PECAM1: variants seen among roughly 807,000 people sequenced by gnomAD.
The protein encoded by PECAM1 is platelet and endothelial cell adhesion molecule 1.
PECAM1 carries 8 observed loss-of-function variants against 13.8 expected under a neutral mutation model. The ratio of observed to expected loss-of-function variants is 0.58; its 90% confidence interval spans 0.34 to 1.05. The LOEUF is 1.05. PECAM1 is among the 50% of genes least tolerant of loss of function. The pLI, the probability that PECAM1 is intolerant of heterozygous loss-of-function variation, is 0.03. For synonymous variants in PECAM1, 136 were observed against 52.6 expected (o/e 2.58, Z -6.86); for missense variants, 304 against 141.2 (o/e 2.15, Z -5.84).
intron 2 of PECAM1, among the ~76,000 whole-genome samples, chr17:64,382,655 C>T (rs2036505969): frequency 1.3e-5 from 2 of 151,676 alleles, no homozygotes; most frequent in Non-Finnish European, 2.9e-5. Context: ...GCTGGGATTA[C>T]AGGCATGAGC....
At chr17:64,383,166 GT>G (rs2036520661) in intron 2 of PECAM1, among the ~76,000 whole-genome samples, 1 of 152,180 alleles carries the variant, frequency 6.6e-6, no homozygotes, top group Non-Finnish European at 1.5e-5. Flanking sequence ...CTGCTCTCCT[GT>G]TTACTGAACG....
chr17:64,345,928 G>C (rs2035555011), intron 13 of PECAM1, among the ~76,000 whole-genome samples: 2 of 152,068 alleles, frequency 1.3e-5, no homozygotes, highest in African/African-American at 4.8e-5. Flanking sequence ...AAAGTTCTGT[G>C]CATACAGCTG....
At chr17:64,358,251 T>TG (rs2035892092) in intron 7 of PECAM1, among the ~76,000 whole-genome samples, 1 of 151,430 alleles carries the variant, frequency 6.6e-6, no homozygotes, top group Non-Finnish European at 1.5e-5. Context: ...CCTGAGTAGC[T>TG]GGGGCTACAG....
intron 11 of PECAM1, among the ~76,000 whole-genome samples, chr17:64,351,382 A>G (rs1218078804): frequency 6.6e-6 from 1 of 152,210 alleles, no homozygotes; most frequent in Admixed American, 6.5e-5. Flanking sequence ...TGAGACATTT[A>G]TAGAATTAGA....
chr17:64,342,163 A>G (rs2035450426), intron 13 of PECAM1, among the ~76,000 whole-genome samples: 1 of 148,860 alleles, frequency 6.7e-6, no homozygotes, highest in African/African-American at 2.5e-5. Flanking sequence ...AAAAAAAAAA[A>G]GAAGAAGAAG....
At chr17:64,340,295 A>T (rs2035392981) in intron 14 of PECAM1, among the ~76,000 whole-genome samples, 2 of 152,110 alleles carry the variant, frequency 1.3e-5, no homozygotes, top group African/African-American at 4.8e-5. Context: ...TGGTTTGCCG[A>T]CTGTACTCGG....
intron 14 of PECAM1, among the ~76,000 whole-genome samples, chr17:64,332,476 C>CT (rs2035151575): frequency 6.6e-6 from 1 of 152,198 alleles, no homozygotes; most frequent in Non-Finnish European, 1.5e-5. Context: ...ACTTGCAGTT[C>CT]TTGTTTTTTT....
intron 5 of PECAM1, among the ~76,000 whole-genome samples, chr17:64,364,794 A>G (rs2036065372): frequency 1.3e-5 from 2 of 152,084 alleles, no homozygotes; most frequent in Non-Finnish European, 1.5e-5. Flanking sequence ...AAAACTCTCA[A>G]TAAATTAGGT....
intron 13 of PECAM1, among the ~76,000 whole-genome samples, chr17:64,341,971 G>A (rs9892085): frequency 1.3e-5 from 2 of 152,102 alleles, no homozygotes; most frequent in African/African-American, 2.4e-5. Flanking sequence ...CCAACATGGC[G>A]AAACCCCGTC....
intron 2 of PECAM1, among the ~76,000 whole-genome samples, chr17:64,379,543 G>A (rs1481977696): frequency 6.6e-6 from 1 of 152,120 alleles, no homozygotes; most frequent in African/African-American, 2.4e-5. Context: ...GCCTGTAGGT[G>A]CTTCTGCAGC....
At chr17:64,329,006 T>C (rs2035031788) in intron 15 of PECAM1, among the ~76,000 whole-genome samples, 1 of 152,054 alleles carries the variant, frequency 6.6e-6, no homozygotes. Flanking sequence ...CTGACTTATC[T>C]TTCTCCCGTC....
In PECAM1 at chr17:64,354,933, C is replaced by T; in HGVS notation, c.1888G>A (p.Ala630Thr). ...TATGGAAGGAAAGAACTATGCTCAC[C>T]CTTGGCTTTCCTCAGAAAATAACAT... ...AKCYFLRKAK[A>T]KQMPVEMSRP... is the part of the protein sequence containing the mutation. Residue 630 changes from alanine (A) to threonine (T), a missense_variant and splice_region_variant, in exon 9 of 16, where the codon GCC (alanine) becomes ACC (threonine). Physicochemically the swap from Ala to Thr is moderately conservative, Grantham distance 58 (BLOSUM62 0). Transcript: ENST00000563924. The T allele has an allele frequency of 2.1e-6, 1 of 475,350 alleles. No individual in the cohort carries two copies. Among genetic ancestry groups the T allele is most frequent in the Admixed American group, 3.1e-5 (1 of 31,748 alleles). 29.4% of individuals were successfully genotyped at this position (475,350 alleles called of 1,614,324 possible).
chr17:64,344,522 C>A (rs1000959373), intron 13 of PECAM1, among the ~76,000 whole-genome samples: 1 of 152,056 alleles, frequency 6.6e-6, no homozygotes, highest in Non-Finnish European at 1.5e-5. Flanking sequence ...CCTGCCCCTC[C>A]TCCACCCCAA....
chr17:64,362,727 C>T (rs2036012703), intron 6 of PECAM1, among the ~76,000 whole-genome samples: 1 of 151,836 alleles, frequency 6.6e-6, no homozygotes, highest in African/African-American at 2.4e-5. Context: ...GTGGTGGGCA[C>T]CTGTAATCCC....
At chr17:64,327,699 A>G (rs1484580866) in intron 15 of PECAM1, among the ~76,000 whole-genome samples, 1 of 152,216 alleles carries the variant, frequency 6.6e-6, no homozygotes, top group Non-Finnish European at 1.5e-5. Context: ...TAAACAAGGT[A>G]AAAATGGCAG....
intron 5 of PECAM1, among the ~76,000 whole-genome samples, chr17:64,368,445 A>T (rs2036160927): frequency 6.6e-6 from 1 of 152,062 alleles, no homozygotes; most frequent in South Asian, 2.1e-4. Flanking sequence ...CCCCTTGGTA[A>T]CCCTGTAATC....
intron 13 of PECAM1, among the ~76,000 whole-genome samples, chr17:64,345,744 A>G (rs1286480096): frequency 1.4e-5 from 2 of 147,684 alleles, no homozygotes; most frequent in African/African-American, 2.5e-5. Context: ...TGAGGAAGAG[A>G]GCTTCAGGCC....
At chr17:64,340,229 T>A (rs2143726347) in intron 14 of PECAM1, among the ~76,000 whole-genome samples, 1 of 152,292 alleles carries the variant, frequency 6.6e-6, no homozygotes, top group South Asian at 2.1e-4. Context: ...GCTGGCTAAG[T>A]TCAGATTCCA....
chr17:64,362,714 A>G (rs9889838), intron 6 of PECAM1, among the ~76,000 whole-genome samples: 120,948 of 150,842 alleles, frequency 0.8, 54,305 homozygotes, highest in East Asian at 1. Flanking sequence ...TTAGGCAGAC[A>G]TGGTGGTGGG....
Sources: gnomAD v4.1 joint callset for allele counts (sites outside exome capture counted in the v4.1 genomes callset) on GRCh38, gnomAD v4.1.1 for gene constraint, MANE v1.5 for transcripts, NCBI Gene and HGNC (gene_info 2026-07-23, HGNC 2026-07-21) for gene names.